PTPRN2: variants seen among roughly 807,000 people sequenced by gnomAD.
PTPRN2 encodes the protein receptor-type tyrosine-protein phosphatase N2.
Under a neutral mutation model 118.8 loss-of-function variants are expected in PTPRN2, and 74 were observed. The observed-to-expected ratio is 0.62, with a 90% CI of 0.52 to 0.76. The LOEUF is 0.76. Among genes scored for constraint, PTPRN2 ranks in the 30% least tolerant of loss-of-function variants. PTPRN2 has a pLI of 0.00. For missense variants in PTPRN2, 1,481 were observed against 1,394.4 expected, an observed-to-expected ratio of 1.06 and a Z score of -0.99; for synonymous variants, 641 against 608.0, an observed-to-expected ratio of 1.05 and a Z score of -0.80.
intron 1 of PTPRN2, among the ~76,000 whole-genome samples, chr7:158,580,859 C>A (rs1828591632): frequency 6.6e-6 from 1 of 152,146 alleles, no homozygotes; most frequent in Non-Finnish European, 1.5e-5. Flanking sequence ...CATTCCCTGC[C>A]ATTATGGGAA....
rs920247260 is a variant in PTPRN2, at chr7:157,632,786, A to T, written c.2197-11277T>A. Among the ~76,000 whole-genome samples the T allele has an allele frequency of 3.3e-5, 5 of 152,240 alleles. No individual in the cohort carries two copies. Among genetic ancestry groups the T allele is most frequent in the Non-Finnish European group, 4.4e-5 (3 of 68,038 alleles). On this transcript the variant is annotated intron_variant, in intron 14 of 22. Transcript: ENST00000389418. The surrounding 1 kb of genome is among the most constrained non-coding windows in gnomAD (Gnocchi z 4.3). The stretch of plus-strand genomic sequence containing the variant: ...TCTTAAAAATTAAGGTTATGTGAAC[A>T]TAGGTAAAATACAGAGATGAATGCT...
chr7:157,750,408 G>T (rs1389925461), intron 12 of PTPRN2, among the ~76,000 whole-genome samples: 1 of 152,184 alleles, frequency 6.6e-6, no homozygotes, highest in Non-Finnish European at 1.5e-5. Flanking sequence ...TACTGCACAG[G>T]AATGTCCCAG....
chr7:157,850,835 T>C (rs1809224278), intron 12 of PTPRN2, among the ~76,000 whole-genome samples: 2 of 152,248 alleles, frequency 1.3e-5, no homozygotes, highest in African/African-American at 4.8e-5. Context: ...GGATCAGGAA[T>C]GCTGTGCCAC....
chr7:158,146,092 A>G (rs1391273140), intron 6 of PTPRN2, among the ~76,000 whole-genome samples: 2 of 152,212 alleles, frequency 1.3e-5, no homozygotes, highest in Non-Finnish European at 2.9e-5. Context: ...CTGAAAACAA[A>G]TACTTGGTTC....
chr7:158,372,042 AC>A (rs1418077241), intron 2 of PTPRN2, among the ~76,000 whole-genome samples: 1 of 151,940 alleles, frequency 6.6e-6, no homozygotes, highest in Non-Finnish European at 1.5e-5. Context: ...TGTGCGGAAG[AC>A]CCCCTCGCAG....
intron 3 of PTPRN2, among the ~76,000 whole-genome samples, chr7:158,303,077 GATTT>G (rs1210296642): frequency 6.6e-6 from 1 of 150,952 alleles, no homozygotes; most frequent in African/African-American, 2.4e-5. Flanking sequence ...ATAATTTTAT[GATTT>G]ATTTTAAAGT....
chr7:157,749,730 C>A (rs1474149825), intron 12 of PTPRN2, among the ~76,000 whole-genome samples: 2 of 97,018 alleles, frequency 2.1e-5, no homozygotes, highest in Non-Finnish European at 2.0e-5. Flanking sequence ...GTGAGCTGCC[C>A]GGGTGATTCT....
In PTPRN2 at chr7:157,729,921, A is replaced by G. The variant is rs1162625592; in HGVS notation, c.1789-46984T>C. Among the ~76,000 whole-genome samples the G allele has an allele frequency of 1.3e-5, 2 of 152,168 alleles. No homozygotes were observed. Among genetic ancestry groups the G allele is most frequent in the African/African-American group, 4.8e-5 (2 of 41,434 alleles). On this transcript the variant is annotated intron_variant, in intron 12 of 22. Coordinates refer to ENST00000389418, the MANE Select transcript of PTPRN2 (RefSeq NM_002847.5). The surrounding 1 kb of genome is among the most constrained non-coding windows in gnomAD (Gnocchi z 4.3). ...TGTGTCTGTGAGTGTGACTCGGAGG[A>G]GTCCAGCATTGGATTCAGTGGGCCA... is the stretch of plus-strand genomic sequence containing the variant.
chr7:157,651,544 G>A (rs890310037), intron 14 of PTPRN2, among the ~76,000 whole-genome samples: 1 of 152,128 alleles, frequency 6.6e-6, no homozygotes, highest in African/African-American at 2.4e-5. Flanking sequence ...GGTGGCTCCC[G>A]GCCGACTCAG....
At chr7:158,387,577 A>ACTCTCTGGGTGCT (rs1586542379) in intron 2 of PTPRN2, among the ~76,000 whole-genome samples, 1 of 151,184 alleles carries the variant, frequency 6.6e-6, no homozygotes, top group Non-Finnish European at 1.5e-5. Flanking sequence ...CTGTCAGCTC[A>ACTCTCTGGGTGCT]GCTTGGCCCG....
chr7:157,994,683 G>GCCGCA (rs1804562340), intron 11 of PTPRN2, among the ~76,000 whole-genome samples: 1 of 96,742 alleles, frequency 1.0e-5, no homozygotes, highest in African/African-American at 5.3e-5. Context: ...TCAACGCCGC[G>GCCGCA]TCCCCAGCTT....
intron 12 of PTPRN2, chr7:157,739,226 G>C (rs754146552): frequency 6.6e-6 from 1 of 152,186 alleles, no homozygotes; most frequent in Non-Finnish European, 1.5e-5. Context: ...TCTCAGTCTC[G>C]TCTGAAACTT....
At chr7:157,595,446 CGGA>C in intron 16 of PTPRN2, 131 bp from the exon 17 acceptor site, 1 of 762,458 alleles carries the variant, frequency 1.3e-6, no homozygotes, top group Non-Finnish European at 2.1e-6. Flanking sequence ...TTAAGAAACC[CGGA>C]GGTTAGGAAA....
At chr7:158,361,689 G>C (rs1459492740) in intron 2 of PTPRN2, among the ~76,000 whole-genome samples, 1 of 152,154 alleles carries the variant, frequency 6.6e-6, no homozygotes, top group African/African-American at 2.4e-5. Context: ...GGGCACTCCC[G>C]GACCCTCCTG....
chr7:158,520,467 C>T (rs752650593), intron 1 of PTPRN2, among the ~76,000 whole-genome samples: 5 of 152,192 alleles, frequency 3.3e-5, no homozygotes, highest in Admixed American at 6.6e-5. Context: ...AGTTTCTAGA[C>T]GAGTCTTTCC....
At chr7:157,694,474 G>C (rs1327393963) in intron 12 of PTPRN2, among the ~76,000 whole-genome samples, 2 of 152,158 alleles carry the variant, frequency 1.3e-5, no homozygotes, top group Non-Finnish European at 2.9e-5. Flanking sequence ...AACTGGCCTC[G>C]CCAAAGCTGA....
chr7:157,942,133 ACACGCACAGGGGTCCTCGGCCCACCCTC>A, intron 11 of PTPRN2, among the ~76,000 whole-genome samples: 1 of 135,892 alleles, frequency 7.4e-6, no homozygotes, highest in Non-Finnish European at 1.6e-5. Flanking sequence ...CATGCCTTCC[ACACGCACAGGGGTCCTCGGCCCACCCTC>A]CACACACAGG....
intron 3 of PTPRN2, among the ~76,000 whole-genome samples, chr7:158,270,769 C>CTCCACCT: frequency 7.3e-6 from 1 of 136,276 alleles, no homozygotes; most frequent in Admixed American, 7.1e-5. Flanking sequence ...TGGACCACCC[C>CTCCACCT]GTCCACCTGG....
chr7:158,451,128 TCA>T (rs1818072273), intron 2 of PTPRN2, among the ~76,000 whole-genome samples: 1 of 152,258 alleles, frequency 6.6e-6, no homozygotes, highest in South Asian at 2.1e-4. Context: ...TACGTATTTC[TCA>T]GTCATTTGAA....
Sources: allele counts gnomAD v4.1 joint callset (sites outside exome capture counted in the v4.1 genomes callset), GRCh38; gene constraint gnomAD v4.1.1; non-coding constraint Gnocchi (gnomAD v3.1); transcripts MANE v1.5; gene names NCBI Gene and HGNC (gene_info 2026-07-23, HGNC 2026-07-21).